The following CYP7B1 variants were observed in gnomAD, a reference collection of about 807,000 sequenced individuals.
The protein encoded by CYP7B1 is cytochrome P450 7B1.
Under a neutral mutation model 42.7 loss-of-function variants are expected in CYP7B1, and 29 were observed. That is an observed-to-expected ratio of 0.68 (90% CI 0.51 to 0.93). CYP7B1 has a LOEUF of 0.93. CYP7B1 is among the 40% of genes least tolerant of loss of function. CYP7B1 has a pLI of 0.00. For missense variants in CYP7B1, 655 were observed against 600.5 expected (o/e 1.09, Z -0.95); for synonymous variants, 235 against 218.2 (o/e 1.08, Z -0.68).
At chr8:64,771,353 C>A (rs1228720048) in intron 1 of CYP7B1, among the ~76,000 whole-genome samples, 1 of 151,982 alleles carries the variant, frequency 6.6e-6, no homozygotes. Flanking sequence ...AGCCACCATG[C>A]CCAGCCTCAT....
At chr8:64,756,463 C>A (rs76535591) in intron 1 of CYP7B1, among the ~76,000 whole-genome samples, 1 of 152,078 alleles carries the variant, frequency 6.6e-6, no homozygotes, top group Non-Finnish European at 1.5e-5. Context: ...GTTTTGGAAG[C>A]GGAATTTCTA....
intron 1 of CYP7B1, among the ~76,000 whole-genome samples, chr8:64,765,758 T>A (rs1807963633): frequency 6.6e-6 from 1 of 152,124 alleles, no homozygotes; most frequent in African/African-American, 2.4e-5. Context: ...ATGTTCTTTT[T>A]CCAGATGGGA....
intron 1 of CYP7B1, among the ~76,000 whole-genome samples, chr8:64,624,951 C>CTTTTTTTTTTTTTTTTTTTTTTTTTT (rs71260892): frequency 1.9e-5 from 1 of 54,022 alleles, no homozygotes; most frequent in African/African-American, 1.0e-4. Flanking sequence ...TTATATCATT[C>CTTTTTTTTTTTTTTTTTTTTTTTTTT]TTTTTTTTTT....
intron 1 of CYP7B1, among the ~76,000 whole-genome samples, chr8:64,732,309 T>C (rs1342352064): frequency 6.6e-6 from 1 of 152,154 alleles, no homozygotes; most frequent in African/African-American, 2.4e-5. Flanking sequence ...GACCTGGATG[T>C]GAGATATGAA....
At chr8:64,721,136 T>G (rs1180669989) in intron 1 of CYP7B1, among the ~76,000 whole-genome samples, 1 of 151,968 alleles carries the variant, frequency 6.6e-6, no homozygotes, top group African/African-American at 2.4e-5. Context: ...TTCTTGCTAT[T>G]TTTTGCTTTG....
intron 1 of CYP7B1, among the ~76,000 whole-genome samples, chr8:64,631,049 G>C (rs1805688163): frequency 6.6e-6 from 1 of 152,160 alleles, no homozygotes. Context: ...GTAGAAAATA[G>C]AAGCAGAGGG....
chr8:64,684,972 AC>A, intron 1 of CYP7B1, among the ~76,000 whole-genome samples: 1 of 152,192 alleles, frequency 6.6e-6, no homozygotes, highest in Non-Finnish European at 1.5e-5. Flanking sequence ...GCCTTCACAC[AC>A]TGAATGTAAA....
chr8:64,770,204 C>T (rs1052461991), intron 1 of CYP7B1, among the ~76,000 whole-genome samples: 4 of 151,946 alleles, frequency 2.6e-5, no homozygotes, highest in Admixed American at 6.6e-5. Context: ...TGAGACCAAC[C>T]GTGTGCCATA....
At chr8:64,666,393 A>C (rs1433927271) in intron 1 of CYP7B1, among the ~76,000 whole-genome samples, 1 of 152,222 alleles carries the variant, frequency 6.6e-6, no homozygotes, top group Admixed American at 6.5e-5. Context: ...AAAAATTTTA[A>C]AATATAGAAT....
intron 1 of CYP7B1, among the ~76,000 whole-genome samples, chr8:64,701,097 G>A (rs1806909742): frequency 6.6e-6 from 1 of 152,050 alleles, no homozygotes; most frequent in African/African-American, 2.4e-5. Context: ...GTATTTGTTT[G>A]ATGCAGTTTA....
chr8:64,770,506 T>G (rs547902296), intron 1 of CYP7B1, among the ~76,000 whole-genome samples: 97 of 152,266 alleles, frequency 6.4e-4, no homozygotes, highest in Middle Eastern at 3.4e-3. Context: ...GGGGCATACT[T>G]TACACACTGA....
chr8:64,628,100 C>T (rs1805635513), intron 1 of CYP7B1, among the ~76,000 whole-genome samples: 1 of 152,184 alleles, frequency 6.6e-6, no homozygotes, highest in Non-Finnish European at 1.5e-5. Flanking sequence ...GGGGAGCTAA[C>T]AAATACTATG....
chr8:64,596,849 G>A lies in CYP7B1; in HGVS notation c.1314C>T (p.Tyr438=). 1 of 1,613,990 alleles carries A rather than the reference G, an allele frequency of 6.2e-7. No individual in the cohort carries two copies. Among genetic ancestry groups the A allele is most frequent in the Non-Finnish European group, 8.5e-7 (1 of 1,179,920 alleles). ...FFKRGKKLKC[Y]LMPFGTGTSK... The stretch of plus-strand genomic sequence containing the variant: ...TGGTTCCAGTTCCAAACGGCATTAG[G>A]TAACACTTCAGCTTTTTCCCTCTTT... The change falls in exon 6 of 6, where the codon TAC becomes TAT. Residue 438 remains tyrosine, a synonymous_variant. Coordinates refer to ENST00000310193, the MANE Select transcript of CYP7B1 (RefSeq NM_004820.5).
intron 1 of CYP7B1, among the ~76,000 whole-genome samples, chr8:64,678,478 A>G (rs1285469249): frequency 6.6e-6 from 1 of 152,170 alleles, no homozygotes; most frequent in Non-Finnish European, 1.5e-5. Context: ...TACTGTGACA[A>G]CAAAATCAAC....
intron 1 of CYP7B1, among the ~76,000 whole-genome samples, chr8:64,785,791 T>C (rs962867586): frequency 4.6e-5 from 7 of 152,154 alleles, no homozygotes; most frequent in Non-Finnish European, 4.4e-5. Context: ...TATTAGTTCA[T>C]TTTCATGCTG....
chr8:64,744,402 A>G (rs1807613113), intron 1 of CYP7B1, among the ~76,000 whole-genome samples: 1 of 152,052 alleles, frequency 6.6e-6, no homozygotes, highest in South Asian at 2.1e-4. Context: ...AGTGATGGAC[A>G]GAATTTGCCA....
intron 1 of CYP7B1, among the ~76,000 whole-genome samples, chr8:64,665,238 G>T (rs540168462): frequency 3.3e-5 from 5 of 152,268 alleles, no homozygotes; most frequent in Admixed American, 6.5e-5. Context: ...GTACAGGGGT[G>T]GGAGGAGATA....
At chr8:64,795,502 C>G (rs1334161726) in intron 1 of CYP7B1, among the ~76,000 whole-genome samples, 1 of 152,204 alleles carries the variant, frequency 6.6e-6, no homozygotes, top group East Asian at 1.9e-4. Flanking sequence ...TTTTGGTGCT[C>G]ACTGCCTATT....
At chr8:64,788,541 C>A (rs1387247164) in intron 1 of CYP7B1, among the ~76,000 whole-genome samples, 10 of 152,110 alleles carry the variant, frequency 6.6e-5, no homozygotes, top group Non-Finnish European at 2.9e-5. Flanking sequence ...CTGTGAGTGG[C>A]CCCTGTGATG....
Sources: allele counts gnomAD v4.1 joint callset (sites outside exome capture counted in the v4.1 genomes callset), GRCh38; gene constraint gnomAD v4.1.1; transcripts MANE v1.5; gene names NCBI Gene and HGNC (gene_info 2026-07-23, HGNC 2026-07-21).